Variants in DMXL2 observed in about 807,000 individuals in gnomAD.
DMXL2 encodes Dmx like 2.
Under a neutral mutation model 331.1 loss-of-function variants are expected in DMXL2, and 103 were observed. That is an observed-to-expected ratio of 0.31 (90% CI 0.27 to 0.37). The LOEUF is 0.37. DMXL2 is among the 10% of genes least tolerant of loss of function. The pLI is 1.00. For synonymous variants in DMXL2, 1,281 were observed against 1,252.1 expected, an observed-to-expected ratio of 1.02 and a Z score of -0.49; for missense variants, 3,171 against 3,642.9, an observed-to-expected ratio of 0.87 and a Z score of 3.33.
rs373132630 is a variant in DMXL2 at position 51,536,167 on chromosome 15, T to C, written c.2313A>G (p.Leu771=). ...WLPTLIPSYC[L]GTYCNSASAC... ...TTCACAATTACAATGAACACTTACC[T>C]AGACAGTAACTGGGAATGAGAGTTG... Residue 771 remains leucine (L), a splice_region_variant and synonymous_variant, in exon 12 of 44, where the codon CTA becomes CTG. Coordinates refer to ENST00000560891, the MANE Select transcript of DMXL2 (RefSeq NM_001378457.1). The C allele has an allele frequency of 1.0e-4, 162 of 1,575,216 alleles. No individual in the cohort carries two copies. The highest frequency in any genetic ancestry group is 1.4e-4 in the Non-Finnish European group (161 of 1,163,130).
At chr15:51,523,451 T>C (rs753613068) in intron 13 of DMXL2, among the ~76,000 whole-genome samples, 1 of 152,150 alleles carries the variant, frequency 6.6e-6, no homozygotes, top group Non-Finnish European at 1.5e-5. Context: ...GAAAAGAAAG[T>C]TGATCAGAGT....
rs749845535 is a variant in DMXL2 at position 51,480,852 on chromosome 15, T to C, written c.6254A>G (p.His2085Arg). 6.2e-7 allele frequency: 1 copy of C among 1,613,178 alleles called. No homozygotes were observed. ...AACTGATTCATGATTACATATCTCA[T>C]GCAAGGCAGCAATTTCCTTTTCAAG... ...NWLEKEIAAL[H>R]EICNHESVIK... The change falls in exon 24 of 44, where the codon CAT becomes CGT. Residue 2085 changes from histidine (H) to arginine (R), a missense_variant. This residue lies in a region of DMXL2 where 197 missense variants were observed against 196.2 expected (regional missense o/e 1.00). Coordinates refer to ENST00000560891, the MANE Select transcript of DMXL2 (RefSeq NM_001378457.1).
At chr15:51,595,189 A>G (rs953913240) in intron 1 of DMXL2, among the ~76,000 whole-genome samples, 1 of 152,232 alleles carries the variant, frequency 6.6e-6, no homozygotes, top group Non-Finnish European at 1.5e-5. Flanking sequence ...CTCAGCCCAA[A>G]ATCTCCTTAA....
At chr15:51,498,225 G>A (rs2043322500) in intron 18 of DMXL2, among the ~76,000 whole-genome samples, 1 of 152,072 alleles carries the variant, frequency 6.6e-6, no homozygotes, top group African/African-American at 2.4e-5. Context: ...GGGCAACAGA[G>A]CAAGACCCTG....
At chr15:51,568,706 C>A (rs1596289897) in intron 2 of DMXL2, 148 bp from the exon 3 acceptor site, 1 of 608,320 alleles carries the variant, frequency 1.6e-6, no homozygotes, top group South Asian at 2.4e-5. Context: ...TGGAAGTGTA[C>A]TGGAGTTAAG....
intron 13 of DMXL2, among the ~76,000 whole-genome samples, chr15:51,522,868 T>C (rs771169837): frequency 2.0e-5 from 3 of 152,220 alleles, no homozygotes; most frequent in Non-Finnish European, 4.4e-5. Flanking sequence ...TCCTAGACTA[T>C]GAAATCCCAC....
chr15:51,622,704 G>C lies in DMXL2; in HGVS notation c.-159C>G. ...CTCGCCCCCCTTTCGCCTTCCCTCC[G>C]CCTCGTCCCTGCCATGGGAGCTCCT... On this transcript the variant is annotated 5_prime_UTR_variant, in exon 1 of 44. Coordinates refer to ENST00000560891, the MANE Select transcript of DMXL2 (RefSeq NM_001378457.1). 1 of 1,362,996 alleles carries C rather than the reference G, an allele frequency of 7.3e-7. No individual in the cohort carries two copies. The highest frequency in any genetic ancestry group is 9.7e-7 in the Non-Finnish European group (1 of 1,036,240). The allele number at this position is 1,362,996 out of a possible 1,614,324, so 84.4% of individuals were successfully genotyped here. A position where few individuals can be genotyped will look rare whatever the true frequency, so the allele number is the denominator to read the frequency against.
chr15:51,614,703 G>A (rs947649818), intron 1 of DMXL2, among the ~76,000 whole-genome samples: 44 of 152,058 alleles, frequency 2.9e-4, no homozygotes, highest in African/African-American at 1.0e-3. Flanking sequence ...AATTTATTGA[G>A]TACTTTTTTG....
chr15:51,464,104 C>T (rs2040361093), intron 32 of DMXL2, among the ~76,000 whole-genome samples: 1 of 152,092 alleles, frequency 6.6e-6, no homozygotes, highest in African/African-American at 2.4e-5. Flanking sequence ...AGAGTTCTGA[C>T]AATAAGAACA....
chr15:51,600,723 G>A (rs1212145956), intron 1 of DMXL2, among the ~76,000 whole-genome samples: 1 of 152,136 alleles, frequency 6.6e-6, no homozygotes, highest in Non-Finnish European at 1.5e-5. Context: ...AAATAAACTG[G>A]ACACGGATAG....
At chr15:51,509,816 T>C (rs2046642996) in intron 15 of DMXL2, among the ~76,000 whole-genome samples, 2 of 152,180 alleles carry the variant, frequency 1.3e-5, no homozygotes, top group South Asian at 2.1e-4. Context: ...AATAAAATAC[T>C]GGCAAACCGA....
At chr15:51,572,650 T>C (rs1053243224) in intron 2 of DMXL2, among the ~76,000 whole-genome samples, 29 of 152,298 alleles carry the variant, frequency 1.9e-4, no homozygotes, top group African/African-American at 6.7e-4. Context: ...TCAATAAATG[T>C]AATCCATCAC....
chr15:51,478,022 TAAAAAC>T (rs1427351326), intron 26 of DMXL2, among the ~76,000 whole-genome samples: 2 of 152,062 alleles, frequency 1.3e-5, no homozygotes, highest in African/African-American at 4.8e-5. Flanking sequence ...TCTTCTTTCT[TAAAAAC>T]AAAAAGGATG....
chr15:51,559,676 G>A lies in DMXL2; in HGVS notation c.567+3705C>T, dbSNP rs567164434. On this transcript the variant is annotated intron_variant, in intron 6 of 43. Transcript: ENST00000560891. ...TTCAAGGTTACAGTGAGCTATGATCGGCCGATGTACTCCAGCCTGGGTGAC... is the reference window on the plus strand; with the variant it reads ...TTCAAGGTTACAGTGAGCTATGATCAGCCGATGTACTCCAGCCTGGGTGAC... Among the ~76,000 whole-genome samples the A allele has an allele frequency of 3.9e-5, 6 of 152,138 alleles. No homozygotes were observed. The East Asian group carries it at 9.7e-4, about 24-fold the overall frequency.
intron 1 of DMXL2, among the ~76,000 whole-genome samples, chr15:51,616,572 T>C (rs550234377): frequency 6.6e-6 from 1 of 152,314 alleles, no homozygotes. Flanking sequence ...AAAAGGATTC[T>C]ACAAACTCGA....
rs749038034 is a variant in DMXL2, at chr15:51,576,036, A to G, written c.213+20T>C. ...AACACATTTTTAAATGACATTCAGT[A>G]AAGAAATTAAATCCCTTACTCTTCC... On this transcript the variant is annotated intron_variant, in intron 2 of 43. Coordinates refer to ENST00000560891, the MANE Select transcript of DMXL2 (RefSeq NM_001378457.1). 37 of 1,588,724 alleles carry G rather than the reference A, an allele frequency of 2.3e-5. No individual in the cohort carries two copies. The South Asian group carries it at 3.9e-4, about 17-fold the overall frequency.
intron 6 of DMXL2, among the ~76,000 whole-genome samples, chr15:51,549,972 A>C (rs1353637494): frequency 6.6e-6 from 1 of 152,028 alleles, no homozygotes; most frequent in Non-Finnish European, 1.5e-5. Context: ...GGACATGACA[A>C]AAAAAGGAAA....
At chr15:51,571,192 C>T (rs957748692) in intron 2 of DMXL2, among the ~76,000 whole-genome samples, 1 of 152,024 alleles carries the variant, frequency 6.6e-6, no homozygotes, top group Non-Finnish European at 1.5e-5. Flanking sequence ...ACAAAGAAGG[C>T]CATTACATAA....
rs568667574 is a variant in DMXL2, at chr15:51,527,183, C to T, written c.2436+8480G>A. On this transcript the variant is annotated intron_variant, in intron 13 of 43. Transcript: ENST00000560891. The stretch of plus-strand genomic sequence containing the variant: ...AATAACATACAGTGGAGCTCCAATA[C>T]GTCTGGCGGCAGAATTTCAGTGGAA... Among the ~76,000 whole-genome samples the T allele has an allele frequency of 8.0e-4, 121 of 152,078 alleles. 1 individual carries two copies. The highest frequency in any genetic ancestry group is 2.1e-3 in the Admixed American group (32 of 15,258).
Sources: allele counts gnomAD v4.1 joint callset (sites outside exome capture counted in the v4.1 genomes callset), GRCh38; gene constraint gnomAD v4.1.1; regional missense constraint gnomAD v4.1.1; transcripts MANE v1.5; gene names NCBI Gene and HGNC (gene_info 2026-07-23, HGNC 2026-07-21).